The following UGP2 variants were observed in gnomAD, a reference collection of about 807,000 sequenced individuals.
The protein encoded by UGP2 is UDP-glucose pyrophosphorylase 2.
UGP2 carries 40 observed loss-of-function variants against 49.0 expected under a neutral mutation model. The observed-to-expected ratio is 0.82, with a 90% CI of 0.63 to 1.06. The LOEUF (loss-of-function observed/expected upper bound fraction) is 1.06, where lower values mean the gene tolerates loss of function less well. UGP2 is among the 50% of genes least tolerant of loss of function. The probability of loss-of-function intolerance (pLI) is 0.00; values close to 1 mark genes in which losing one functional copy is unlikely to be tolerated. For synonymous variants in UGP2, 225 were observed against 213.0 expected, an observed-to-expected ratio of 1.06 and a Z score of -0.49; for missense variants, 460 against 603.5, an observed-to-expected ratio of 0.76 and a Z score of 2.49.
chr2:63,890,606 C>G (rs998068899), intron 9 of UGP2, among the ~76,000 whole-genome samples: 7 of 152,126 alleles, frequency 4.6e-5, no homozygotes, highest in African/African-American at 1.7e-4. Context: ...AATCTCCTAA[C>G]TAGATTTCAT....
chr2:63,887,522 A>C lies in UGP2; in HGVS notation c.1192A>C (p.Thr398Pro). The C allele has an allele frequency of 6.2e-7, 1 of 1,614,128 alleles. No individual in the cohort carries two copies. Among genetic ancestry groups the C allele is most frequent in the Non-Finnish European group, 8.5e-7 (1 of 1,180,018 alleles). ...PRSRFLPVKT[T>P]SDLLLVMSNL... is the part of the protein sequence containing the mutation. The stretch of plus-strand genomic sequence containing the variant: ...GAGCCGTTTTCTGCCTGTCAAAACC[A>C]CATCAGATCTCTTGCTGGTGATGTC... Residue 398 changes from threonine (T) to proline (P), a missense_variant, in exon 8 of 10, where the codon ACA becomes CCA. Thr to Pro is a conservative substitution (Grantham distance 38). Coordinates refer to ENST00000337130, the MANE Select transcript of UGP2 (RefSeq NM_006759.4).
At chr2:63,877,590 C>A (rs1161471550) in intron 3 of UGP2, among the ~76,000 whole-genome samples, 2 of 152,222 alleles carry the variant, frequency 1.3e-5, no homozygotes, top group Non-Finnish European at 2.9e-5. Flanking sequence ...GGAGTAATGG[C>A]TCTCATGACA....
At chr2:63,861,701 A>AAAC (rs569775227) in intron 3 of UGP2, among the ~76,000 whole-genome samples, 3 of 151,542 alleles carry the variant, frequency 2.0e-5, no homozygotes, top group African/African-American at 7.3e-5. Flanking sequence ...AAAAAAAAAA[A>AAAC]AACAAAAAAA....
intron 3 of UGP2, chr2:63,859,238 A>G (rs13431781): frequency 0.83 from 126,005 of 151,856 alleles, 52,398 homozygotes; most frequent in East Asian, 0.92. Context: ...CGAGCAATCT[A>G]CCTGCCTTGG....
intron 1 of UGP2, among the ~76,000 whole-genome samples, chr2:63,843,657 G>C (rs190664848): frequency 6.6e-6 from 1 of 152,306 alleles, no homozygotes; most frequent in Admixed American, 6.5e-5. Flanking sequence ...CAAGTGGTAA[G>C]AGTTGCTGTG....
chr2:63,891,507 CAAT>C lies in UGP2; in HGVS notation c.*281_*283del, dbSNP rs543164063. ...TTGGAAGAACTTTTAACAGAAGCCT[CAAT>C]GATGATCACTTTGAATTGCTTGTGA... On this transcript the variant is annotated 3_prime_UTR_variant, in exon 10 of 10. Transcript: ENST00000337130. The C allele has an allele frequency of 3.3e-4, 78 of 238,524 alleles. No individual in the cohort carries two copies. Among genetic ancestry groups the C allele is most frequent in the Middle Eastern group, 2.7e-3 (2 of 738 alleles). 14.8% of individuals were successfully genotyped at this position (238,524 alleles called of 1,614,324 possible). A position where few individuals can be genotyped will look rare whatever the true frequency, so the allele number is the denominator to read the frequency against.
intron 3 of UGP2, among the ~76,000 whole-genome samples, chr2:63,872,790 C>CAA (rs547283279): frequency 1.1e-4 from 12 of 112,602 alleles, no homozygotes; most frequent in East Asian, 5.0e-4. Flanking sequence ...CCAGTGCCCT[C>CAA]AAAAAAAAAA....
Position 63,882,449 on chromosome 2 carries a change from T to C in UGP2, c.256-17T>C, listed in dbSNP as rs1558959201. ...AAAGCTGTTTAAATTACTCCTATAA[T>C]GTTATTTTTCTTTCAGATTCAACCC... is the stretch of plus-strand genomic sequence containing the variant. On this transcript the variant is annotated splice_polypyrimidine_tract_variant and intron_variant, in intron 3 of 9. Transcript: ENST00000337130. 3.2e-6 allele frequency: 5 copies of C among 1,553,956 alleles called. No individual in the cohort carries two copies. The Admixed American group carries it at 5.3e-5, about 16-fold the overall frequency.
In UGP2 at chr2:63,887,664, T is replaced by A. The variant is rs766775029; in HGVS notation, c.1314+20T>A. ...ACGAAGGTACGTAACTATAAAGATA[T>A]GTGAGTTCATATTTCTTAAATGTGT... On this transcript the variant is annotated intron_variant, in intron 8 of 9. Coordinates refer to ENST00000337130, the MANE Select transcript of UGP2 (RefSeq NM_006759.4). 3 of 1,609,938 alleles carry A rather than the reference T, an allele frequency of 1.9e-6. No homozygotes were observed. The highest frequency in any genetic ancestry group is 2.2e-5 in the South Asian group (2 of 90,700).
At chr2:63,860,860 A>G (rs1669790895) in intron 3 of UGP2, among the ~76,000 whole-genome samples, 2 of 146,434 alleles carry the variant, frequency 1.4e-5, no homozygotes, top group South Asian at 2.1e-4. Context: ...TGCCTTAACC[A>G]CTTTTTAGAT....
chr2:63,845,519 TAAAAA>T (rs11392263), intron 1 of UGP2, among the ~76,000 whole-genome samples: 12 of 139,478 alleles, frequency 8.6e-5, no homozygotes, highest in Non-Finnish European at 6.2e-5. Context: ...GTTATTATGT[TAAAAA>T]AAAAAAAAAA....
Position 63,846,453 on chromosome 2 carries a change from A to AG in UGP2, c.19+4249_19+4250insG, listed in dbSNP as rs397701240. On this transcript the variant is annotated intron_variant, in intron 1 of 9. Transcript: ENST00000337130. The stretch of plus-strand genomic sequence containing the variant: ...TAGAGGCATTGTTTTTTTAAAAAAA[A>AG]TGATTCTAAATGTGCCATTATCTAT... Among the ~76,000 whole-genome samples the AG allele has an allele frequency of 5.3e-5, 8 of 151,468 alleles. No homozygotes were observed. In the East Asian group the frequency reaches 1.4e-3, roughly 26 times the overall value.
At chr2:63,883,755 G>A (rs1428047934) in intron 4 of UGP2, among the ~76,000 whole-genome samples, 4 of 152,198 alleles carry the variant, frequency 2.6e-5, no homozygotes, top group African/African-American at 9.7e-5. Context: ...ATCTCAGAGG[G>A]TAGTGATTTA....
At chr2:63,885,566 A>G in intron 5 of UGP2, 23 bp from the exon 6 acceptor site, 1 of 1,508,496 alleles carries the variant, frequency 6.6e-7, no homozygotes, top group Non-Finnish European at 8.8e-7. Context: ...CAATATTGAA[A>G]AAGAACTTTT....
rs576681487 is a variant in UGP2 at position 63,877,520 on chromosome 2, C to T, written c.256-4946C>T. Among the ~76,000 whole-genome samples the T allele has an allele frequency of 8.5e-5, 13 of 152,334 alleles. No homozygotes were observed. The East Asian group carries it at 1.3e-3, about 16-fold the overall frequency. Reference sequence around the variant, plus strand: ...GCGTTTTCAAAAATATTTCAGCATGCACTTGTTCCTTCACACAGTCACTTG... The same window carrying T: ...GCGTTTTCAAAAATATTTCAGCATGTACTTGTTCCTTCACACAGTCACTTG... On this transcript the variant is annotated intron_variant, in intron 3 of 9. Coordinates refer to ENST00000337130, the MANE Select transcript of UGP2 (RefSeq NM_006759.4).
At chr2:63,867,690 G>T (rs865839745) in intron 3 of UGP2, among the ~76,000 whole-genome samples, 1 of 152,058 alleles carries the variant, frequency 6.6e-6, no homozygotes, top group Non-Finnish European at 1.5e-5. Context: ...TGTTATCAGT[G>T]TACTTAATTT....
chr2:63,890,971 C>G (rs1672100846), intron 9 of UGP2, 149 bp from the exon 10 acceptor site: 1 of 531,414 alleles, frequency 1.9e-6, no homozygotes, highest in Non-Finnish European at 3.3e-6. Context: ...TTTTCCTTAA[C>G]TGTTATTTGT....
chr2:63,882,996 G>A (rs1671417881), intron 4 of UGP2, among the ~76,000 whole-genome samples: 1 of 152,168 alleles, frequency 6.6e-6, no homozygotes, highest in Non-Finnish European at 1.5e-5. Context: ...GGGTGGTGGG[G>A]AGGATGCTGT....
At chr2:63,864,263 G>A (rs745742610) in intron 3 of UGP2, among the ~76,000 whole-genome samples, 1 of 152,160 alleles carries the variant, frequency 6.6e-6, no homozygotes, top group Non-Finnish European at 1.5e-5. Context: ...GAAGTTCAGA[G>A]TAAGTCACCT....
Sources: gnomAD v4.1 joint callset for allele counts (sites outside exome capture counted in the v4.1 genomes callset) on GRCh38, gnomAD v4.1.1 for gene constraint, MANE v1.5 for transcripts, NCBI Gene and HGNC (gene_info 2026-07-23, HGNC 2026-07-21) for gene names.